Variants in FAM117B observed in about 807,000 individuals in gnomAD.
FAM117B encodes the protein protein FAM117B.
In FAM117B, 22 loss-of-function variants were observed where a neutral mutation model predicts 52.8. The ratio of observed to expected loss-of-function variants is 0.42; its 90% CI spans 0.30 to 0.59. The LOEUF is 0.59. Among genes scored for constraint, FAM117B ranks in the 20% least tolerant of loss-of-function variants. The pLI is 0.22. For synonymous variants in FAM117B, 309 were observed against 324.1 expected (o/e 0.95, Z 0.50); for missense variants, 678 against 802.6 (o/e 0.84, Z 1.88).
At chr2:202,673,363 G>A (rs1384605360) in intron 1 of FAM117B, among the ~76,000 whole-genome samples, 1 of 149,040 alleles carries the variant, frequency 6.7e-6, no homozygotes, top group African/African-American at 2.5e-5. Flanking sequence ...TGTTTGCTTT[G>A]GACTAAAGTT....
In FAM117B at chr2:202,768,027, C is replaced by T. The variant is rs1692009319; in HGVS notation, c.*2263C>T. On this transcript the variant is annotated 3_prime_UTR_variant, in exon 8 of 8. Coordinates refer to ENST00000392238, the MANE Select transcript of FAM117B (RefSeq NM_173511.4). ...CTGAGTATCTGCTGTATCAGAAGTT[C>T]AGAAGAAAAGGTAAAACTGAAATCA... 1 of 152,078 alleles carries T rather than the reference C, an allele frequency of 6.6e-6. No homozygotes were observed. The highest frequency in any genetic ancestry group is 2.4e-5 in the African/African-American group (1 of 41,406). The allele number at this position is 152,078 out of a possible 1,614,324, so 9.4% of individuals were successfully genotyped here.
At position 202,755,526 on chromosome 2, in the gene FAM117B, C is replaced by T. The variant is rs1691788156; in HGVS notation, c.961-12C>T. The T allele has an allele frequency of 4.3e-6, 7 of 1,612,770 alleles. No homozygotes were observed. In the Middle Eastern group the frequency reaches 1.2e-3, roughly 266 times the overall value. On this transcript the variant is annotated splice_polypyrimidine_tract_variant and intron_variant, in intron 4 of 7. Coordinates refer to ENST00000392238, the MANE Select transcript of FAM117B (RefSeq NM_173511.4). ...AATGTTAAGCCTCTCTTCTCCATCC[C>T]ATTTTCTTAAGGCTCCTGTTCCAAA...
intron 4 of FAM117B, among the ~76,000 whole-genome samples, chr2:202,745,690 C>G (rs528798808): frequency 6.6e-6 from 1 of 152,260 alleles, no homozygotes; most frequent in South Asian, 2.1e-4. Flanking sequence ...CATTAGTATG[C>G]TGCCTGCAAG....
At chr2:202,668,107 AAAAAATATTTTTAT>A (rs1210444337) in intron 1 of FAM117B, among the ~76,000 whole-genome samples, 2 of 141,462 alleles carry the variant, frequency 1.4e-5, no homozygotes, top group Non-Finnish European at 3.0e-5. Flanking sequence ...ATATTTATAT[AAAAAATATTTTTAT>A]AAAATATATA....
At position 202,768,840 on chromosome 2, in the gene FAM117B, T is replaced by C. The variant is rs777500686; in HGVS notation, c.*3076T>C. ...AAAAGAAATGGGTAGCATGTGTCTT[T>C]CAGAGAAAGGAGCTATTTGGTTATT... is the stretch of plus-strand genomic sequence containing the variant. On this transcript the variant is annotated 3_prime_UTR_variant, in exon 8 of 8. Transcript: ENST00000392238. 2.0e-5 allele frequency: 3 copies of C among 152,178 alleles called. No homozygotes were observed. The highest frequency in any genetic ancestry group is 4.4e-5 in the Non-Finnish European group (3 of 68,006). The allele number at this position is 152,178 out of a possible 1,614,324, so 9.4% of individuals were successfully genotyped here.
At chr2:202,749,787 A>G (rs1164957294) in intron 4 of FAM117B, among the ~76,000 whole-genome samples, 1 of 152,052 alleles carries the variant, frequency 6.6e-6, no homozygotes, top group Non-Finnish European at 1.5e-5. Flanking sequence ...AAATTATTTA[A>G]ATAAAAAAAG....
chr2:202,758,348 A>G (rs932003664), intron 6 of FAM117B, among the ~76,000 whole-genome samples: 1 of 152,234 alleles, frequency 6.6e-6, no homozygotes, highest in Non-Finnish European at 1.5e-5. Context: ...AGGTCTGATA[A>G]AACACGGGTC....
At chr2:202,721,919 A>C (rs994046781) in intron 2 of FAM117B, among the ~76,000 whole-genome samples, 12 of 152,084 alleles carry the variant, frequency 7.9e-5, no homozygotes, top group African/African-American at 2.7e-4. Context: ...GCCATGCATA[A>C]GCATGAGCCG....
chr2:202,757,175 A>C, intron 5 of FAM117B, 38 bp from the exon 6 acceptor site: 1 of 1,584,126 alleles, frequency 6.3e-7, no homozygotes, highest in African/African-American at 1.4e-5. Flanking sequence ...TTCGAAATTA[A>C]TTATAAATAT....
chr2:202,740,173 C>CAAAAAAAAAAAA lies in FAM117B; in HGVS notation c.960+13810_960+13811insAAAAAAAAAAAA, dbSNP rs1358404767. On this transcript the variant is annotated intron_variant, in intron 4 of 7. Coordinates refer to ENST00000392238, the MANE Select transcript of FAM117B (RefSeq NM_173511.4). ...GGAGGACAGAGCGAGACTTCATCCC[C>CAAAAAAAAAAAA]CAAAAAAAAAAAAAAAAAAAAAAAA... 1.4e-3 allele frequency among the ~76,000 whole-genome samples: 99 copies of CAAAAAAAAAAAA among 69,680 alleles called. 33 individuals carry two copies. The highest frequency in any genetic ancestry group is 3.2e-3 in the African/African-American group (56 of 17,466). 45.7% of individuals were successfully genotyped at this position (69,680 alleles called of 152,430 possible).
chr2:202,747,608 C>G (rs1173517316), intron 4 of FAM117B, among the ~76,000 whole-genome samples: 1 of 151,972 alleles, frequency 6.6e-6, no homozygotes, highest in Non-Finnish European at 1.5e-5. Context: ...ACTAAAGTCG[C>G]TGGATACAAA....
At chr2:202,727,366 C>T (rs183779095) in intron 4 of FAM117B, among the ~76,000 whole-genome samples, 46 of 152,236 alleles carry the variant, frequency 3.0e-4, no homozygotes, top group African/African-American at 1.1e-3. Flanking sequence ...CAGTCACTCT[C>T]ATTTTTTATG....
At chr2:202,690,275 C>T (rs1432633966) in intron 1 of FAM117B, among the ~76,000 whole-genome samples, 1 of 152,242 alleles carries the variant, frequency 6.6e-6, no homozygotes, top group Admixed American at 6.5e-5. Flanking sequence ...GAATTTATTG[C>T]ATACACTTGT....
intron 4 of FAM117B, among the ~76,000 whole-genome samples, chr2:202,752,432 T>TC (rs397964396): frequency 4.7e-5 from 7 of 150,118 alleles, no homozygotes; most frequent in Admixed American, 2.0e-4. Context: ...TTTTTTTTTT[T>TC]CCAGTTCTGA....
chr2:202,739,554 C>T lies in FAM117B; in HGVS notation c.960+13191C>T, dbSNP rs151226524. ...CACTGCAGCCTCAACCTCCTGGGCT[C>T]AAGTGATCCTCCCACTTCAGCCTCC... On this transcript the variant is annotated intron_variant, in intron 4 of 7. Coordinates refer to ENST00000392238, the MANE Select transcript of FAM117B (RefSeq NM_173511.4). Among the ~76,000 whole-genome samples the T allele has an allele frequency of 1.7e-4, 25 of 151,470 alleles. No homozygotes were observed. The East Asian group carries it at 4.8e-3, about 29-fold the overall frequency.
intron 1 of FAM117B, among the ~76,000 whole-genome samples, chr2:202,684,492 G>A (rs979422381): frequency 1.6e-4 from 25 of 152,126 alleles, no homozygotes; most frequent in Admixed American, 9.2e-4. Context: ...TTCAGCTCTC[G>A]TGTTATAAAC....
At chr2:202,735,709 G>A (rs1472951841) in intron 4 of FAM117B, among the ~76,000 whole-genome samples, 2 of 152,206 alleles carry the variant, frequency 1.3e-5, no homozygotes, top group African/African-American at 4.8e-5. Flanking sequence ...AAGAGTGGGA[G>A]ATGCCAGCAT....
intron 4 of FAM117B, among the ~76,000 whole-genome samples, chr2:202,742,346 T>A (rs1691555896): frequency 6.6e-6 from 1 of 152,192 alleles, no homozygotes; most frequent in Non-Finnish European, 1.5e-5. Flanking sequence ...GTACATGAAT[T>A]GACAAACTGA....
At chr2:202,664,297 T>C (rs1690170765) in intron 1 of FAM117B, among the ~76,000 whole-genome samples, 1 of 152,184 alleles carries the variant, frequency 6.6e-6, no homozygotes, top group African/African-American at 2.4e-5. Context: ...GCCATTTGTG[T>C]ATATGGTAGG....
Sources: gnomAD v4.1 joint callset for allele counts (sites outside exome capture counted in the v4.1 genomes callset) on GRCh38, gnomAD v4.1.1 for gene constraint, MANE v1.5 for transcripts, NCBI Gene and HGNC (gene_info 2026-07-23, HGNC 2026-07-21) for gene names.